NLN: variants seen among roughly 807,000 people sequenced by gnomAD.
NLN encodes neurolysin, mitochondrial.
A neutral mutation model predicts 79.9 loss-of-function variants in NLN; 64 were observed. That is an observed-to-expected ratio of 0.80 (90% CI 0.65 to 0.99). NLN has a LOEUF of 0.99. NLN is among the 50% of genes least tolerant of loss of function. NLN has a pLI of 0.00. For synonymous variants in NLN, 267 were observed against 296.6 expected (o/e 0.90, Z 1.02); for missense variants, 835 against 858.7 (o/e 0.97, Z 0.34).
intron 1 of NLN, chr5:65,733,498 G>T (rs1320291944): frequency 3.6e-6 from 5 of 1,393,942 alleles, no homozygotes; most frequent in Non-Finnish European, 5.0e-6. Flanking sequence ...GACAACAGGG[G>T]TCATGCCAAT....
rs1006507029 is a variant in NLN at position 65,788,633 on chromosome 5, C to T, written c.1325+149C>T. ...GGAGGATTGCTTGAGGCTAGGAGTT[C>T]GAGACCAGCCTGGGCAACATAGTGA... On this transcript the variant is annotated intron_variant, in intron 8 of 12. Coordinates refer to ENST00000380985, the MANE Select transcript of NLN (RefSeq NM_020726.5). 2.4e-5 allele frequency: 19 copies of T among 795,414 alleles called. No individual in the cohort carries two copies. In the African/African-American group the frequency reaches 2.4e-4, roughly 10 times the overall value. The allele number at this position is 795,414 out of a possible 1,614,324, so 49.3% of individuals were successfully genotyped here. A position where few individuals can be genotyped will look rare whatever the true frequency, so the allele number is the denominator to read the frequency against.
intron 6 of NLN, among the ~76,000 whole-genome samples, chr5:65,783,632 AG>A (rs1235021264): frequency 6.6e-6 from 1 of 151,994 alleles, no homozygotes; most frequent in African/African-American, 2.4e-5. Context: ...GGCCAAGGCA[AG>A]AGGATTGCTT....
intron 1 of NLN, among the ~76,000 whole-genome samples, chr5:65,756,188 A>G (rs1734262): frequency 0.44 from 66,563 of 151,936 alleles, 15,646 homozygotes; most frequent in Non-Finnish European, 0.53. Flanking sequence ...TAGGGCCCCA[A>G]TGCTTTTCTC....
At chr5:65,758,531 A>T (rs1227602546) in intron 1 of NLN, 36 bp from the exon 2 acceptor site, 2 of 1,505,790 alleles carry the variant, frequency 1.3e-6, no homozygotes, top group Non-Finnish European at 1.8e-6. Context: ...ACCAACAGAA[A>T]TCCCTAATTC....
chr5:65,732,354 A>G (rs369049593), intron 1 of NLN, among the ~76,000 whole-genome samples: 1 of 92,148 alleles, frequency 1.1e-5, no homozygotes, highest in East Asian at 2.4e-4. Flanking sequence ...GGGAGGGTGC[A>G]TTTGTGAATT....
chr5:65,758,538 A>G (rs1759269092), intron 1 of NLN, 29 bp from the exon 2 acceptor site: 1 of 1,550,236 alleles, frequency 6.5e-7, no homozygotes, highest in Non-Finnish European at 8.9e-7. Flanking sequence ...GAAATCCCTA[A>G]TTCTTATTCT....
intron 1 of NLN, among the ~76,000 whole-genome samples, chr5:65,745,283 A>G (rs1459128230): frequency 6.6e-6 from 1 of 152,222 alleles, no homozygotes; most frequent in Non-Finnish European, 1.5e-5. Context: ...TTCTCTCCCC[A>G]TTAAAAGCAA....
At chr5:65,761,624 T>C (rs1759342929) in intron 2 of NLN, among the ~76,000 whole-genome samples, 2 of 152,326 alleles carry the variant, frequency 1.3e-5, no homozygotes, top group South Asian at 4.1e-4. Flanking sequence ...TGCAACCATA[T>C]AGTTAACTAG....
intron 3 of NLN, among the ~76,000 whole-genome samples, chr5:65,763,475 T>C (rs1325385640): frequency 6.6e-6 from 1 of 152,214 alleles, no homozygotes; most frequent in African/African-American, 2.4e-5. Flanking sequence ...ATAATATTGA[T>C]GACATACTGT....
intron 12 of NLN, among the ~76,000 whole-genome samples, chr5:65,815,306 T>C (rs1056445672): frequency 6.6e-6 from 1 of 152,204 alleles, no homozygotes; most frequent in Admixed American, 6.5e-5. Flanking sequence ...GCAAGTGTAA[T>C]AGAAGCAATT....
At chr5:65,806,457 C>A (rs564528780) in intron 9 of NLN, among the ~76,000 whole-genome samples, 28 of 152,266 alleles carry the variant, frequency 1.8e-4, no homozygotes, top group African/African-American at 6.3e-4. Flanking sequence ...TCATAGATGA[C>A]TTTGAGGAAG....
chr5:65,743,747 T>C (rs1371597722), intron 1 of NLN, among the ~76,000 whole-genome samples: 5 of 152,240 alleles, frequency 3.3e-5, no homozygotes, highest in African/African-American at 9.6e-5. Context: ...ATCATCTTAA[T>C]ACATTGTGCA....
chr5:65,791,387 A>G (rs1012518676), intron 8 of NLN, among the ~76,000 whole-genome samples: 4 of 152,118 alleles, frequency 2.6e-5, no homozygotes, highest in African/African-American at 7.2e-5. Context: ...GGAAAACCCC[A>G]TCTCTACTAA....
At chr5:65,769,373 A>C (rs189403112) in intron 3 of NLN, among the ~76,000 whole-genome samples, 1 of 152,344 alleles carries the variant, frequency 6.6e-6, no homozygotes, top group African/African-American at 2.4e-5. Context: ...TAATGACTTA[A>C]TTGTACATTT....
chr5:65,729,515 C>G (rs1758558013), intron 1 of NLN, among the ~76,000 whole-genome samples: 1 of 151,754 alleles, frequency 6.6e-6, no homozygotes, highest in Non-Finnish European at 1.5e-5. Flanking sequence ...GCTGGGATTA[C>G]AGGCACCTGC....
intron 6 of NLN, among the ~76,000 whole-genome samples, chr5:65,784,264 C>T (rs1309823): frequency 0.77 from 117,498 of 151,906 alleles, 46,131 homozygotes; most frequent in African/African-American, 0.92. Context: ...TATTTCATTG[C>T]TAAGAAAATA....
At chr5:65,808,127 T>C (rs1481954106) in intron 9 of NLN, among the ~76,000 whole-genome samples, 1 of 152,238 alleles carries the variant, frequency 6.6e-6, no homozygotes, top group Non-Finnish European at 1.5e-5. Flanking sequence ...ACTAGTGAAT[T>C]TAGTTATCCT....
intron 1 of NLN, among the ~76,000 whole-genome samples, chr5:65,738,959 A>AT (rs1758800800): frequency 4.4e-5 from 4 of 90,330 alleles, no homozygotes; most frequent in African/African-American, 1.4e-4. Flanking sequence ...GTTTATATAT[A>AT]TGTATATATA....
At chr5:65,792,743 T>A (rs1473213021) in intron 9 of NLN, 88 bp downstream of exon 9, 5 of 1,126,060 alleles carry the variant, frequency 4.4e-6, no homozygotes, top group Non-Finnish European at 6.8e-6. Flanking sequence ...TCCTAACAGG[T>A]TTTTTCAGAA....
Sources: gnomAD v4.1 joint callset for allele counts (sites outside exome capture counted in the v4.1 genomes callset) on GRCh38, gnomAD v4.1.1 for gene constraint, MANE v1.5 for transcripts, NCBI Gene and HGNC (gene_info 2026-07-23, HGNC 2026-07-21) for gene names.